The following NCAM2 variants were observed in gnomAD, a reference collection of about 807,000 sequenced individuals.
NCAM2 encodes the protein N-CAM-2.
NCAM2 carries 30 observed loss-of-function variants against 98.1 expected under a neutral mutation model. That is an observed-to-expected ratio of 0.31 (90% CI 0.23 to 0.41). NCAM2 has a LOEUF of 0.41. NCAM2 is among the 10% of genes least tolerant of loss of function. The pLI, the probability that NCAM2 is intolerant of heterozygous loss-of-function variation, is 1.00. For missense variants in NCAM2, 867 were observed against 1,005.8 expected (o/e 0.86, Z 1.87); for synonymous variants, 368 against 342.4 (o/e 1.07, Z -0.83).
chr21:21,079,823 A>T (rs939201327), intron 1 of NCAM2, among the ~76,000 whole-genome samples: 6 of 152,190 alleles, frequency 3.9e-5, no homozygotes, highest in Admixed American at 2.6e-4. Flanking sequence ...CATCTGGGCA[A>T]CACTGTGCCT....
intron 8 of NCAM2, among the ~76,000 whole-genome samples, chr21:21,341,065 A>G (rs2075018156): frequency 6.6e-6 from 1 of 152,092 alleles, no homozygotes; most frequent in Non-Finnish European, 1.5e-5. Context: ...TTACTTTGTC[A>G]TATTACAAAT....
chr21:21,023,881 G>A (rs2064487364), intron 1 of NCAM2, among the ~76,000 whole-genome samples: 1 of 152,080 alleles, frequency 6.6e-6, no homozygotes, highest in Non-Finnish European at 1.5e-5. Context: ...GTAATTTAAA[G>A]TGATGAATAA....
intron 16 of NCAM2, among the ~76,000 whole-genome samples, chr21:21,512,453 GT>G: frequency 6.6e-6 from 1 of 152,104 alleles, no homozygotes; most frequent in South Asian, 2.1e-4. Context: ...CTGTGTGTCT[GT>G]TTTTATGCCA....
chr21:21,430,819 G>A (rs1309283068), intron 11 of NCAM2, among the ~76,000 whole-genome samples: 1 of 151,912 alleles, frequency 6.6e-6, no homozygotes, highest in Non-Finnish European at 1.5e-5. Context: ...AGGCCAAGGT[G>A]GGCAGATCAC....
intron 1 of NCAM2, among the ~76,000 whole-genome samples, chr21:21,097,667 C>T (rs1309389475): frequency 1.3e-5 from 2 of 151,432 alleles, no homozygotes; most frequent in African/African-American, 2.4e-5. Context: ...TCAGATCCAC[C>T]AAGGCTGTTT....
At chr21:21,357,199 G>T (rs139085515) in intron 8 of NCAM2, among the ~76,000 whole-genome samples, 1 of 152,040 alleles carries the variant, frequency 6.6e-6, no homozygotes, top group Admixed American at 6.6e-5. Flanking sequence ...TATAGCTTTG[G>T]CATATTTCTT....
chr21:21,452,568 T>C (rs1176994601), intron 12 of NCAM2, among the ~76,000 whole-genome samples: 2 of 89,972 alleles, frequency 2.2e-5, no homozygotes, highest in East Asian at 2.3e-4. Context: ...ATATATAGTA[T>C]ATATATTGTA....
chr21:21,325,554 A>G (rs190361758), intron 6 of NCAM2, among the ~76,000 whole-genome samples: 276 of 152,262 alleles, frequency 1.8e-3, no homozygotes, highest in Non-Finnish European at 3.0e-3. Flanking sequence ...TTTTAGTAGG[A>G]TTACACCTTG....
chr21:21,179,972 C>T (rs116013502), intron 1 of NCAM2, among the ~76,000 whole-genome samples: 1,700 of 152,290 alleles, frequency 0.011, 34 homozygotes, highest in African/African-American at 0.039. Flanking sequence ...GTCAACTGAA[C>T]GCTGGACTGC....
intron 1 of NCAM2, among the ~76,000 whole-genome samples, chr21:21,039,098 A>G (rs1343927258): frequency 6.6e-6 from 1 of 152,206 alleles, no homozygotes; most frequent in Non-Finnish European, 1.5e-5. Flanking sequence ...CATGTAGTTA[A>G]TTAAGAAAGT....
chr21:21,275,265 C>T (rs1437499582), intron 1 of NCAM2, among the ~76,000 whole-genome samples: 1 of 151,472 alleles, frequency 6.6e-6, no homozygotes, highest in Non-Finnish European at 1.5e-5. Flanking sequence ...ACGGTGAAAC[C>T]CCATCTCTAC....
At chr21:21,098,782 C>G (rs1419116201) in intron 1 of NCAM2, among the ~76,000 whole-genome samples, 1 of 151,714 alleles carries the variant, frequency 6.6e-6, no homozygotes, top group Non-Finnish European at 1.5e-5. Context: ...AAAAAAGATG[C>G]ATTTTTTAAG....
chr21:21,116,031 G>A (rs1256469593), intron 1 of NCAM2, among the ~76,000 whole-genome samples: 1 of 151,646 alleles, frequency 6.6e-6, no homozygotes, highest in African/African-American at 2.4e-5. Context: ...GTGTGTGTGT[G>A]TGTGTGTGTG....
chr21:21,292,129 T>C lies in NCAM2; in HGVS notation c.507T>C (p.Asn169=), dbSNP rs1403230880. 8 of 1,610,758 alleles carry C rather than the reference T, an allele frequency of 5.0e-6. No individual in the cohort carries two copies. The highest frequency in any genetic ancestry group is 6.8e-6 in the Non-Finnish European group (8 of 1,178,280). Residue 169 remains asparagine, a synonymous_variant, in exon 5 of 18, where the codon AAT becomes AAC. Transcript: ENST00000400546. ...SDNRFAMLAN[N]NLQILNINKS... is the part of the protein sequence containing the mutation. The stretch of plus-strand genomic sequence containing the variant: ...ATCGGTTCGCTATGTTAGCAAACAA[T>C]AACCTGCAGATTCTCAACATCAATA...
At chr21:21,433,472 G>T (rs767149863) in intron 12 of NCAM2, among the ~76,000 whole-genome samples, 53 of 151,960 alleles carry the variant, frequency 3.5e-4, no homozygotes, top group Non-Finnish European at 6.6e-4. Flanking sequence ...AGGAGCGGTG[G>T]CTCATGCTTG....
intron 9 of NCAM2, among the ~76,000 whole-genome samples, chr21:21,403,816 T>C (rs1024430296): frequency 6.6e-6 from 1 of 152,170 alleles, no homozygotes; most frequent in Admixed American, 6.6e-5. Flanking sequence ...AAATAAAATG[T>C]TAATTATTCA....
chr21:21,373,391 G>A (rs1176346004), intron 8 of NCAM2, among the ~76,000 whole-genome samples: 1 of 151,866 alleles, frequency 6.6e-6, no homozygotes, highest in African/African-American at 2.4e-5. Context: ...AGGATAGAAA[G>A]TAGGATGTTG....
chr21:21,306,373 A>G (rs939097861), intron 5 of NCAM2, among the ~76,000 whole-genome samples: 2 of 152,148 alleles, frequency 1.3e-5, no homozygotes, highest in African/African-American at 2.4e-5. Context: ...TTATATAGAT[A>G]AAAGTTTAGA....
chr21:21,236,470 G>A (rs780185576), intron 1 of NCAM2, among the ~76,000 whole-genome samples: 5 of 151,942 alleles, frequency 3.3e-5, no homozygotes, highest in Admixed American at 6.6e-5. Context: ...AAATGTGAAA[G>A]TAATTTTATG....
Sources: allele counts gnomAD v4.1 joint callset (sites outside exome capture counted in the v4.1 genomes callset), GRCh38; gene constraint gnomAD v4.1.1; transcripts MANE v1.5; gene names NCBI Gene and HGNC (gene_info 2026-07-23, HGNC 2026-07-21).